CCDC3: variants seen among roughly 807,000 people sequenced by gnomAD.
CCDC3 encodes the protein coiled-coil domain containing 3.
In CCDC3, 24 loss-of-function variants were observed where a neutral mutation model predicts 21.4. The ratio of observed to expected loss-of-function variants is 1.12; its 90% CI spans 0.81 to 1.58. CCDC3 has a LOEUF of 1.58. CCDC3 is among the 40% of genes most tolerant of loss of function. The pLI, the probability that CCDC3 is intolerant of heterozygous loss-of-function variation, is 0.00. For synonymous variants in CCDC3, 186 were observed against 166.0 expected (o/e 1.12, Z -0.93); for missense variants, 425 against 360.9 (o/e 1.18, Z -1.44).
chr10:13,036,604 C>A (rs1217378111), intron 5 of CCDC3, among the ~76,000 whole-genome samples: 2 of 152,128 alleles, frequency 1.3e-5, no homozygotes, highest in Non-Finnish European at 2.9e-5. Context: ...CCTGCCTCAG[C>A]CTCCCGAGTA....
chr10:13,071,429 A>G (rs1235749193), intron 4 of CCDC3, among the ~76,000 whole-genome samples: 1 of 152,250 alleles, frequency 6.6e-6, no homozygotes, highest in African/African-American at 2.4e-5. Flanking sequence ...ACAGGTGAGC[A>G]TGACTAATTC....
Position 13,001,705 on chromosome 10 carries a change from G to T in CCDC3, c.-135C>A. The T allele has an allele frequency of 1.9e-6, 1 of 521,194 alleles. No individual in the cohort carries two copies. The highest frequency in any genetic ancestry group is 2.5e-6 in the Non-Finnish European group (1 of 398,578). The allele number at this position is 521,194 out of a possible 1,614,324, so 32.3% of individuals were successfully genotyped here. A position where few individuals can be genotyped will look rare whatever the true frequency, so the allele number is the denominator to read the frequency against. ...AGCGCACCGCTGTCTCCGCCACGGGGCTCGGCATGCCCGGCCCTGGCGCGC... is the reference window on the plus strand; with the variant it reads ...AGCGCACCGCTGTCTCCGCCACGGGTCTCGGCATGCCCGGCCCTGGCGCGC... On this transcript the variant is annotated 5_prime_UTR_variant, in exon 1 of 3. Transcript: ENST00000378825.
intron 2 of CCDC3, among the ~76,000 whole-genome samples, chr10:12,946,688 T>TC (rs1834921189): frequency 6.6e-6 from 1 of 152,220 alleles, no homozygotes; most frequent in Non-Finnish European, 1.5e-5. Context: ...CTACAGTTTT[T>TC]CACAGGTATT....
intron 5 of CCDC3, among the ~76,000 whole-genome samples, chr10:13,035,284 T>C (rs945651692): frequency 2.0e-5 from 3 of 152,090 alleles, no homozygotes; most frequent in African/African-American, 7.2e-5. Flanking sequence ...TCCTGAAAGC[T>C]AGATAAAAGA....
At chr10:12,934,684 A>G (rs2131231080) in intron 2 of CCDC3, among the ~76,000 whole-genome samples, 1 of 152,274 alleles carries the variant, frequency 6.6e-6, no homozygotes, top group African/African-American at 2.4e-5. Flanking sequence ...TAACCCCATT[A>G]TTACATAATG....
At chr10:12,945,857 C>A (rs893300825) in intron 2 of CCDC3, among the ~76,000 whole-genome samples, 2 of 152,168 alleles carry the variant, frequency 1.3e-5, no homozygotes, top group African/African-American at 4.8e-5. Flanking sequence ...TATCTGTTGG[C>A]TGAATGGGGT....
chr10:12,996,389 G>A (rs1360961686), intron 2 of CCDC3, among the ~76,000 whole-genome samples: 1 of 152,134 alleles, frequency 6.6e-6, no homozygotes, highest in Non-Finnish European at 1.5e-5. Context: ...AGGCTGGAGT[G>A]CAATGGTGTG....
chr10:12,914,894 T>C (rs1185193569), intron 2 of CCDC3, among the ~76,000 whole-genome samples: 1 of 152,178 alleles, frequency 6.6e-6, no homozygotes, highest in Non-Finnish European at 1.5e-5. Flanking sequence ...TGGGCTTAGT[T>C]TGTTCTTCTT....
chr10:12,917,462 C>T (rs1834378385), intron 2 of CCDC3, among the ~76,000 whole-genome samples: 3 of 152,250 alleles, frequency 2.0e-5, no homozygotes, highest in South Asian at 4.1e-4. Context: ...TCCCAAAGTG[C>T]TGGGATTACA....
chr10:12,999,636 T>C (rs117538644), intron 1 of CCDC3, among the ~76,000 whole-genome samples: 4,428 of 152,340 alleles, frequency 0.029, 103 homozygotes, highest in Non-Finnish European at 0.044. Flanking sequence ...ACTGTCTTTG[T>C]ATTTCTGCCC....
At chr10:13,043,076 AT>A (rs908821385) in intron 5 of CCDC3, among the ~76,000 whole-genome samples, 8 of 151,608 alleles carry the variant, frequency 5.3e-5, no homozygotes, top group Non-Finnish European at 1.0e-4. Context: ...AATAATTTCA[AT>A]TTTTATTTTA....
intron 2 of CCDC3, among the ~76,000 whole-genome samples, chr10:12,919,441 T>C (rs1435506205): frequency 6.6e-6 from 1 of 151,974 alleles, no homozygotes; most frequent in East Asian, 1.9e-4. Flanking sequence ...AATACAAAAA[T>C]TAGCTGGGTG....
intron 2 of CCDC3, among the ~76,000 whole-genome samples, chr10:12,985,768 G>T (rs76951385): frequency 0.015 from 2,331 of 152,308 alleles, 63 homozygotes; most frequent in African/African-American, 0.053. Flanking sequence ...TGAGGGGAAG[G>T]GTAGCTTAAA....
intron 5 of CCDC3, among the ~76,000 whole-genome samples, chr10:13,020,971 C>CGAAT (rs1034334782): frequency 1.2e-4 from 19 of 152,208 alleles, no homozygotes; most frequent in Admixed American, 3.9e-4. Flanking sequence ...GCTGAATGAA[C>CGAAT]GAATGAATGA....
intron 5 of CCDC3, among the ~76,000 whole-genome samples, chr10:13,020,103 C>T (rs2131404521): frequency 6.6e-6 from 1 of 152,270 alleles, no homozygotes; most frequent in Admixed American, 6.5e-5. Flanking sequence ...GATTGGAATA[C>T]AGATCCATTT....
intron 5 of CCDC3, among the ~76,000 whole-genome samples, chr10:13,010,114 G>A (rs1463696401): frequency 2.0e-5 from 3 of 152,094 alleles, no homozygotes; most frequent in African/African-American, 7.2e-5. Flanking sequence ...AGGGTGTGGT[G>A]GCATGTGCCT....
intron 2 of CCDC3, among the ~76,000 whole-genome samples, chr10:12,997,228 T>C (rs1164278618): frequency 7.9e-6 from 1 of 127,030 alleles, no homozygotes; most frequent in African/African-American, 3.0e-5. Context: ...CATGTGCAAA[T>C]GGGTTCGTTA....
intron 2 of CCDC3, among the ~76,000 whole-genome samples, chr10:12,925,892 T>C (rs1834529278): frequency 1.3e-5 from 2 of 152,252 alleles, no homozygotes; most frequent in Admixed American, 1.3e-4. Flanking sequence ...TCAAACTTTA[T>C]GTATGAGGCA....
chr10:12,979,952 A>C (rs1835471071), intron 2 of CCDC3, among the ~76,000 whole-genome samples: 1 of 152,198 alleles, frequency 6.6e-6, no homozygotes, highest in African/African-American at 2.4e-5. Flanking sequence ...TTAATCATTG[A>C]AATGATGATT....
Sources: allele counts gnomAD v4.1 joint callset (sites outside exome capture counted in the v4.1 genomes callset), GRCh38; gene constraint gnomAD v4.1.1; transcripts MANE v1.5; gene names NCBI Gene and HGNC (gene_info 2026-07-23, HGNC 2026-07-21).